C8orf34: variants seen among roughly 807,000 people sequenced by gnomAD.
The protein encoded by C8orf34 is chromosome 8 open reading frame 34, also known as uncharacterized protein C8orf34.
Under a neutral mutation model 68.3 loss-of-function variants are expected in C8orf34, and 65 were observed. That is an observed-to-expected ratio of 0.95 (90% confidence interval 0.78 to 1.17). C8orf34 has a LOEUF of 1.17. Ranked by LOEUF, C8orf34 falls within the 50% of genes most tolerant of loss-of-function variation. The pLI is 0.00. For missense variants in C8orf34, 664 were observed against 655.4 expected (o/e 1.01, Z -0.14); for synonymous variants, 244 against 241.2 (o/e 1.01, Z -0.11).
At chr8:68,377,271 C>G (rs1807842722) in intron 1 of C8orf34, among the ~76,000 whole-genome samples, 1 of 151,996 alleles carries the variant, frequency 6.6e-6, no homozygotes, top group Non-Finnish European at 1.5e-5. Flanking sequence ...TGGCATGCAC[C>G]TGTGGTGTCT....
At chr8:68,686,482 G>A (rs1820522715) in intron 8 of C8orf34, among the ~76,000 whole-genome samples, 1 of 151,924 alleles carries the variant, frequency 6.6e-6, no homozygotes, top group Non-Finnish European at 1.5e-5. Context: ...TAACATATGA[G>A]AGTCAATAAA....
chr8:68,590,367 CT>C (rs1817350826), intron 7 of C8orf34, among the ~76,000 whole-genome samples: 1 of 152,066 alleles, frequency 6.6e-6, no homozygotes, highest in African/African-American at 2.4e-5. Context: ...TTCTTAGTCC[CT>C]TTTATTTTCA....
chr8:68,529,465 A>G (rs188602611), intron 6 of C8orf34, among the ~76,000 whole-genome samples: 2 of 152,336 alleles, frequency 1.3e-5, no homozygotes, highest in East Asian at 3.9e-4. Context: ...TGACAATGAA[A>G]GTTGTTTTCA....
chr8:68,661,335 T>C (rs1420333257), intron 8 of C8orf34, among the ~76,000 whole-genome samples: 1 of 152,310 alleles, frequency 6.6e-6, no homozygotes, highest in East Asian at 1.9e-4. Context: ...GAAAGAGGTT[T>C]CTTCTTGGGT....
At chr8:68,765,292 C>T (rs1304226630) in intron 10 of C8orf34, among the ~76,000 whole-genome samples, 1 of 152,216 alleles carries the variant, frequency 6.6e-6, no homozygotes, top group African/African-American at 2.4e-5. Flanking sequence ...AGTGGCAAAA[C>T]TGGAGTTTAA....
At chr8:68,810,189 AG>A (rs2129529890) in intron 12 of C8orf34, among the ~76,000 whole-genome samples, 1 of 152,164 alleles carries the variant, frequency 6.6e-6, no homozygotes, top group East Asian at 1.9e-4. Flanking sequence ...ATGCCTGCCA[AG>A]GGCAAGCCAG....
chr8:68,562,760 C>T (rs1367157616), intron 7 of C8orf34, among the ~76,000 whole-genome samples: 1 of 152,188 alleles, frequency 6.6e-6, no homozygotes, highest in Non-Finnish European at 1.5e-5. Context: ...CATGTACAGG[C>T]ACCTGTCTCT....
chr8:68,721,549 CTGTTCTAAGT>C (rs1821678468), intron 10 of C8orf34, 112 bp downstream of exon 10: 1 of 716,986 alleles, frequency 1.4e-6, no homozygotes, highest in African/African-American at 1.8e-5. Context: ...ATTAATTAGG[CTGTTCTAAGT>C]TGTTTCAACA....
chr8:68,422,463 A>G (rs1219381659), intron 1 of C8orf34, among the ~76,000 whole-genome samples: 1 of 152,212 alleles, frequency 6.6e-6, no homozygotes, highest in Non-Finnish European at 1.5e-5. Context: ...CATGTCTCAC[A>G]TCAAGGTCAT....
At chr8:68,404,958 A>G (rs541852467) in intron 1 of C8orf34, among the ~76,000 whole-genome samples, 1 of 152,280 alleles carries the variant, frequency 6.6e-6, no homozygotes, top group South Asian at 2.1e-4. Flanking sequence ...TACTTTGGGC[A>G]GTATGGCCAT....
chr8:68,612,347 T>C (rs967597601), intron 7 of C8orf34, among the ~76,000 whole-genome samples: 1 of 152,084 alleles, frequency 6.6e-6, no homozygotes, highest in Non-Finnish European at 1.5e-5. Context: ...TTAAACAACT[T>C]GCCCCAAATC....
At chr8:68,498,441 T>C (rs905296702) in intron 5 of C8orf34, among the ~76,000 whole-genome samples, 2 of 152,188 alleles carry the variant, frequency 1.3e-5, no homozygotes, top group Admixed American at 6.5e-5. Context: ...GGCATAAACA[T>C]GCTGAGATGA....
upstream of C8orf34, among the ~76,000 whole-genome samples, chr8:68,330,559 A>G (rs921735643): frequency 6.6e-6 from 1 of 152,144 alleles, no homozygotes; most frequent in East Asian, 1.9e-4. Context: ...GGTGCTGAGG[A>G]GAGGCTCAGA....
chr8:68,781,401 T>A (rs530705569), intron 11 of C8orf34, among the ~76,000 whole-genome samples: 1 of 152,332 alleles, frequency 6.6e-6, no homozygotes, highest in African/African-American at 2.4e-5. Flanking sequence ...GTACATTTGC[T>A]GTAATTATGG....
At chr8:68,772,273 G>A (rs941957498) in intron 10 of C8orf34, among the ~76,000 whole-genome samples, 2 of 152,178 alleles carry the variant, frequency 1.3e-5, no homozygotes, top group African/African-American at 4.8e-5. Context: ...ACACACAAGT[G>A]CCAGTCTGTT....
At chr8:68,636,794 G>T (rs956033995) in intron 7 of C8orf34, among the ~76,000 whole-genome samples, 5 of 152,050 alleles carry the variant, frequency 3.3e-5, no homozygotes, top group Non-Finnish European at 5.9e-5. Context: ...TCTGCTGAGA[G>T]AGTGGCCACA....
At chr8:68,561,862 A>T (rs1485086764) in intron 7 of C8orf34, among the ~76,000 whole-genome samples, 2 of 152,144 alleles carry the variant, frequency 1.3e-5, no homozygotes, top group Non-Finnish European at 2.9e-5. Flanking sequence ...CATCAATGTC[A>T]CTTTCTTCCA....
At chr8:68,535,168 T>C (rs1344600692) in intron 7 of C8orf34, 3 of 984,674 alleles carry the variant, frequency 3.0e-6, no homozygotes, top group Non-Finnish European at 2.4e-6. Flanking sequence ...ATGTATGTGA[T>C]TGTGTCTATT....
intron 8 of C8orf34, among the ~76,000 whole-genome samples, chr8:68,685,288 G>A (rs1820481867): frequency 1.3e-5 from 2 of 152,012 alleles, no homozygotes; most frequent in South Asian, 2.1e-4. Context: ...GTTAAATTCA[G>A]TAACCTTTTA....
Sources: allele counts gnomAD v4.1 joint callset (sites outside exome capture counted in the v4.1 genomes callset), GRCh38; gene constraint gnomAD v4.1.1; transcripts MANE v1.5; gene names NCBI Gene and HGNC (gene_info 2026-07-23, HGNC 2026-07-21).